The following LMBR1L variants were observed in gnomAD, a reference collection of about 807,000 sequenced individuals.
LMBR1L encodes limb development membrane protein 1 like.
Under a neutral mutation model 67.3 loss-of-function variants are expected in LMBR1L, and 47 were observed. That is an observed-to-expected ratio of 0.70 (90% CI 0.55 to 0.89). The LOEUF (loss-of-function observed/expected upper bound fraction) is 0.89. Among genes scored for constraint, LMBR1L ranks in the 40% least tolerant of loss-of-function variants. The pLI is 0.00. For synonymous variants in LMBR1L, 247 were observed against 250.3 expected (o/e 0.99, Z 0.13); for missense variants, 533 against 599.2 (o/e 0.89, Z 1.15).
intron 1 of LMBR1L, among the ~76,000 whole-genome samples, chr12:49,108,561 CAAAAAAAAAAAAA>C (rs35533408): frequency 4.2e-5 from 2 of 47,544 alleles, no homozygotes; most frequent in African/African-American, 1.8e-4. Context: ...GACTGAGTCT[CAAAAAAAAAAAAA>C]AAAAAAAAAA....
chr12:49,100,574 G>T lies in LMBR1L; in HGVS notation c.1155C>A (p.His385Gln), dbSNP rs1440632608. The T allele has an allele frequency of 5.0e-6, 8 of 1,613,898 alleles. No individual in the cohort carries two copies. The highest frequency in any genetic ancestry group is 1.6e-4 in the Middle Eastern group (1 of 6,084). ...CAGCTACCTGCGTCATGGCAGTGTCGTGCCATCTGGGCCGCAGGCTCCGGA... is the reference window on the plus strand; with the variant it reads ...CAGCTACCTGCGTCATGGCAGTGTCTTGCCATCTGGGCCGCAGGCTCCGGA... The part of the protein sequence containing the change: ...PLFRSLRPRW[H>Q]DTAMTQIIGN... The change falls in exon 14 of 17, where the codon CAC becomes CAA. Residue 385 changes from histidine to glutamine, a missense_variant. Around this residue, in one of 3 missense-constraint regions of LMBR1L, gnomAD observed 223 missense variants for 241.2 expected, o/e 0.92. Coordinates refer to ENST00000267102, the MANE Select transcript of LMBR1L (RefSeq NM_018113.4).
rs1394141428 is a variant in LMBR1L, at chr12:49,106,161, G to A, written c.158-204C>T. On this transcript the variant is annotated intron_variant, in intron 2 of 16. Coordinates refer to ENST00000267102, the MANE Select transcript of LMBR1L (RefSeq NM_018113.4). ...GGCAGCTTAAAAATCAGTGGTCCCA[G>A]GTGAAGAGAATACAGGCCAGACATT... is the stretch of plus-strand genomic sequence containing the variant. The A allele has an allele frequency of 4.4e-5, 25 of 571,412 alleles. No individual in the cohort carries two copies. In the Admixed American group the frequency reaches 7.1e-4, roughly 16 times the overall value. The allele number at this position is 571,412 out of a possible 1,614,324, so 35.4% of individuals were successfully genotyped here.
intron 16 of LMBR1L, 55 bp from the exon 17 acceptor site, chr12:49,097,794 G>A: frequency 6.2e-7 from 1 of 1,609,628 alleles, no homozygotes; most frequent in Non-Finnish European, 8.5e-7. Flanking sequence ...GTCCGTTAGG[G>A]ACCAGGCAGC....
chr12:49,109,822 G>A (rs756579902), intron 1 of LMBR1L: 2 of 435,582 alleles, frequency 4.6e-6, no homozygotes, highest in South Asian at 3.2e-5. Context: ...ACCCTCTGAA[G>A]CCCTGGGAGG....
chr12:49,102,682 C>T, intron 8 of LMBR1L, 142 bp from the exon 9 acceptor site: 2 of 946,150 alleles, frequency 2.1e-6, no homozygotes, highest in East Asian at 2.6e-5. Context: ...CGCAGCTTTG[C>T]TCAGTCCCTC....
intron 11 of LMBR1L, 70 bp from the exon 12 acceptor site, chr12:49,101,619 C>A: frequency 8.8e-7 from 1 of 1,132,096 alleles, no homozygotes; most frequent in Non-Finnish European, 1.3e-6. Flanking sequence ...AAGGAATGGG[C>A]AGACTCTGGT....
chr12:49,102,979 C>A, intron 7 of LMBR1L, 28 bp from the exon 8 acceptor site: 1 of 1,612,684 alleles, frequency 6.2e-7, no homozygotes, highest in Non-Finnish European at 8.5e-7. Flanking sequence ...AGTCACTTGC[C>A]AGACCCTGCT....
chr12:49,097,790 T>A (rs1443421079), intron 16 of LMBR1L, 51 bp from the exon 17 acceptor site: 1 of 1,610,932 alleles, frequency 6.2e-7, no homozygotes, highest in African/African-American at 1.3e-5. Context: ...TCCAGTCCGT[T>A]AGGGACCAGG....
rs202149762 is a variant in LMBR1L at position 49,104,889 on chromosome 12, G to A, written c.192-4C>T. ...GGTAAAGGTGCACAGCTCGAGCCTGGGCAGAGAAGGGGACAGTGTCCTTGC... is the reference window on the plus strand; with the variant it reads ...GGTAAAGGTGCACAGCTCGAGCCTGAGCAGAGAAGGGGACAGTGTCCTTGC... On this transcript the variant is annotated splice_polypyrimidine_tract_variant and splice_region_variant and intron_variant, in intron 3 of 16. Transcript: ENST00000267102. 43 of 1,608,334 alleles carry A rather than the reference G, an allele frequency of 2.7e-5. No individual in the cohort carries two copies. Among genetic ancestry groups the A allele is most frequent in the Non-Finnish European group, 3.6e-5 (42 of 1,177,888 alleles).
Position 49,102,395 on chromosome 12 carries a change from G to GTGTT in LMBR1L, c.770-23_770-20dup, listed in dbSNP as rs1339637343. The GTGTT allele has an allele frequency of 4.3e-6, 7 of 1,613,638 alleles. No homozygotes were observed. In the Admixed American group the frequency reaches 1.2e-4, roughly 27 times the overall value. ...GTAGGATCTGAGGGCAGAGAAGATG[G>GTGTT]TGTTGCTCTCAAGTCCTGCAGTTTC... On this transcript the variant is annotated intron_variant, in intron 9 of 16. Coordinates refer to ENST00000267102, the MANE Select transcript of LMBR1L (RefSeq NM_018113.4).
Position 49,097,980 on chromosome 12 carries a change from T to C in LMBR1L, c.1366A>G (p.Thr456Ala). The change falls in exon 16 of 17, where the codon ACT becomes GCT. Residue 456 changes from threonine to alanine, a missense_variant. Thr to Ala is a moderately conservative substitution (Grantham distance 58, BLOSUM62 0). This residue lies in a region of LMBR1L where 223 missense variants were observed against 241.2 expected (regional missense o/e 0.92). Coordinates refer to ENST00000267102, the MANE Select transcript of LMBR1L (RefSeq NM_018113.4). ...LTTLCLVKTF[T>A]AAVRAELIRA... is the part of the protein sequence containing the mutation. ...ATCAGCTCTGCCCGCACAGCTGCAG[T>C]GAAGGTCTTCACCAGACAGAGTGTG... is the stretch of plus-strand genomic sequence containing the variant. 2 of 1,614,012 alleles carry C rather than the reference T, an allele frequency of 1.2e-6. No homozygotes were observed. The highest frequency in any genetic ancestry group is 1.7e-6 in the Non-Finnish European group (2 of 1,179,878).
At position 49,102,460 on chromosome 12, in the gene LMBR1L, C is replaced by T; in HGVS notation, c.769+8G>A. On this transcript the variant is annotated splice_region_variant and intron_variant, in intron 9 of 16. Coordinates refer to ENST00000267102, the MANE Select transcript of LMBR1L (RefSeq NM_018113.4). ...CTACCACCCCAGCAGGGAAGAACTG[C>T]AACTTACTACAGATCCTGCGGGTCA... 6.2e-7 allele frequency: 1 copy of T among 1,614,190 alleles called. No individual in the cohort carries two copies. Among genetic ancestry groups the T allele is most frequent in the Non-Finnish European group, 8.5e-7 (1 of 1,180,012 alleles).
chr12:49,110,116 C>T, intron 1 of LMBR1L: 2 of 493,344 alleles, frequency 4.1e-6, no homozygotes, highest in Non-Finnish European at 4.0e-6. Flanking sequence ...TGAGTTTGCC[C>T]TCAACCCAGT....
intron 1 of LMBR1L, among the ~76,000 whole-genome samples, chr12:49,107,895 G>A (rs1941099256): frequency 6.6e-6 from 1 of 152,160 alleles, no homozygotes; most frequent in Non-Finnish European, 1.5e-5. Flanking sequence ...TTGGGAGGCC[G>A]AGGCAGATGA....
In LMBR1L at chr12:49,100,388, CCAGGGTTCGAGAGAAGA is replaced by C; in HGVS notation, c.1223_1239del (p.Val408GlyfsTer6). The C allele has an allele frequency of 6.2e-7, 1 of 1,611,874 alleles. No homozygotes were observed. Among genetic ancestry groups the C allele is most frequent in the African/African-American group, 1.3e-5 (1 of 74,950 alleles). On this transcript the variant is annotated frameshift_variant and splice_region_variant, in exon 15 of 17. Coordinates refer to ENST00000267102, the MANE Select transcript of LMBR1L (RefSeq NM_018113.4). LOFTEE classifies it high-confidence loss of function. ...TTTATCTCCTCCTTTCAATACTTAC[CCAGGGTTCGAGAGAAGA>C]CAGGAAGTGCTGAGCTTAGGACCAG...
Position 49,104,529 on chromosome 12 carries a change from G to A in LMBR1L, c.354C>T (p.Leu118=), listed in dbSNP as rs769452531. Residue 118 remains leucine, a synonymous_variant, in exon 5 of 17, where the codon CTC becomes CTT. Coordinates refer to ENST00000267102, the MANE Select transcript of LMBR1L (RefSeq NM_018113.4). Reference sequence around the variant, plus strand: ...GGAAGATGAGGGACAGGTTGGAGAAGAGAAAAACAAGGTTCCAGAGGCCTA... The same window carrying A: ...GGAAGATGAGGGACAGGTTGGAGAAAAGAAAAACAAGGTTCCAGAGGCCTA... The part of the protein sequence containing the change: ...LIHGLWNLVF[L]FSNLSLIFLM... 8 of 1,614,062 alleles carry A rather than the reference G, an allele frequency of 5.0e-6. No individual in the cohort carries two copies. The highest frequency in any genetic ancestry group is 6.8e-6 in the Non-Finnish European group (8 of 1,179,940).
chr12:49,104,055 GGGAGGCT>G (rs1940569730), intron 5 of LMBR1L: 1 of 511,748 alleles, frequency 2.0e-6, no homozygotes, highest in Non-Finnish European at 3.4e-6. Flanking sequence ...TGTGTGCTCT[GGGAGGCT>G]GACCTCCGAG....
intron 4 of LMBR1L, 67 bp downstream of exon 4, chr12:49,104,679 G>T (rs1354354444): frequency 6.2e-7 from 1 of 1,602,722 alleles, no homozygotes; most frequent in Non-Finnish European, 8.5e-7. Flanking sequence ...GGCTGCCTGA[G>T]TCCACCCAAC....
At chr12:49,100,522 C>A in intron 14 of LMBR1L, 34 bp downstream of exon 14, 2 of 1,609,276 alleles carry the variant, frequency 1.2e-6, no homozygotes, top group East Asian at 4.5e-5. Flanking sequence ...CCATCCACAC[C>A]CCCCGGGAGC....
Sources: allele counts gnomAD v4.1 joint callset (sites outside exome capture counted in the v4.1 genomes callset), GRCh38; gene constraint gnomAD v4.1.1; regional missense constraint gnomAD v4.1.1; transcripts MANE v1.5; gene names NCBI Gene and HGNC (gene_info 2026-07-23, HGNC 2026-07-21).